The following FAM20B variants were observed in gnomAD, a reference collection of about 807,000 sequenced individuals.
FAM20B encodes FAM20B glycosaminoglycan xylosylkinase.
Under a neutral mutation model 43.8 loss-of-function variants are expected in FAM20B, and 23 were observed. That is an observed-to-expected ratio of 0.53 (90% CI 0.38 to 0.74). FAM20B has a LOEUF of 0.74. Ranked by LOEUF, FAM20B falls within the 30% of genes least tolerant of loss-of-function variation. The probability of loss-of-function intolerance (pLI) is 0.00; values close to 1 mark genes in which losing one functional copy is unlikely to be tolerated. For synonymous variants in FAM20B, 178 were observed against 192.4 expected (o/e 0.93, Z 0.62); for missense variants, 440 against 510.5 (o/e 0.86, Z 1.33).
chr1:179,064,315 G>T lies in FAM20B; in HGVS notation c.757G>T (p.Asp253Tyr). Residue 253 changes from aspartate (D) to tyrosine (Y), a missense_variant, in exon 6 of 8, where the codon GAT becomes TAT. Coordinates refer to ENST00000263733, the MANE Select transcript of FAM20B (RefSeq NM_014864.4). The stretch of plus-strand genomic sequence containing the variant: ...GCTGCTTGTCTCCAGGTGGGAGTAT[G>T]ATGAGAGCTACTGTGATGCTGTGAA... ...REGKLARWEY[D>Y]ESYCDAVKKT... The T allele has an allele frequency of 6.2e-7, 1 of 1,606,226 alleles. No homozygotes were observed. Among genetic ancestry groups the T allele is most frequent in the Non-Finnish European group, 8.5e-7 (1 of 1,174,070 alleles).
intron 7 of FAM20B, among the ~76,000 whole-genome samples, chr1:179,067,646 A>T (rs1651748254): frequency 6.6e-6 from 1 of 152,036 alleles, no homozygotes; most frequent in Admixed American, 6.6e-5. Flanking sequence ...TTTTAAAAAA[A>T]CTCTGTATTA....
chr1:179,030,177 G>A (rs921572546), intron 1 of FAM20B, among the ~76,000 whole-genome samples: 2 of 152,102 alleles, frequency 1.3e-5, no homozygotes, highest in Non-Finnish European at 2.9e-5. Flanking sequence ...AAGTTTTAGG[G>A]TATGAACTTT....
At chr1:179,029,624 C>T (rs1252181394) in intron 1 of FAM20B, among the ~76,000 whole-genome samples, 2 of 152,052 alleles carry the variant, frequency 1.3e-5, no homozygotes, top group East Asian at 3.9e-4. Context: ...GCAAGATAAC[C>T]CCTTTAGAGA....
At chr1:179,056,308 T>C (rs1276321763) in intron 4 of FAM20B, among the ~76,000 whole-genome samples, 1 of 152,212 alleles carries the variant, frequency 6.6e-6, no homozygotes, top group Non-Finnish European at 1.5e-5. Flanking sequence ...TCCACCCCTC[T>C]CTCCAATCCC....
intron 2 of FAM20B, among the ~76,000 whole-genome samples, chr1:179,046,919 C>T (rs936614609): frequency 2.6e-5 from 4 of 151,684 alleles, no homozygotes; most frequent in African/African-American, 9.7e-5. Flanking sequence ...TCGCTTGAAC[C>T]CGGAGGCGGA....
intron 4 of FAM20B, among the ~76,000 whole-genome samples, chr1:179,057,134 C>T (rs112587685): frequency 0.022 from 3,319 of 152,138 alleles, 66 homozygotes; most frequent in Middle Eastern, 0.048. Flanking sequence ...CACTTGAGGG[C>T]GGGAGTTCGA....
chr1:179,028,282 G>A (rs991664202), intron 1 of FAM20B, among the ~76,000 whole-genome samples: 4 of 152,158 alleles, frequency 2.6e-5, no homozygotes, highest in African/African-American at 9.7e-5. Flanking sequence ...TATTCTGTAA[G>A]AATACATAAA....
chr1:179,035,851 T>C (rs2102487205), intron 1 of FAM20B, among the ~76,000 whole-genome samples: 1 of 152,202 alleles, frequency 6.6e-6, no homozygotes, highest in Middle Eastern at 3.4e-3. Context: ...ATTAGCCGGC[T>C]GGGCGTGGTG....
chr1:179,050,262 T>C lies in FAM20B; in HGVS notation c.378-17T>C. 6.3e-7 allele frequency: 1 copy of C among 1,588,558 alleles called. No homozygotes were observed. The highest frequency in any genetic ancestry group is 8.6e-7 in the Non-Finnish European group (1 of 1,156,908). ...TGTAATCCACGTATACATCTGTGCTTCCCATTCACTTTGCAGGTATAGCCG... is the reference window on the plus strand; with the variant it reads ...TGTAATCCACGTATACATCTGTGCTCCCCATTCACTTTGCAGGTATAGCCG... On this transcript the variant is annotated splice_polypyrimidine_tract_variant and intron_variant, in intron 2 of 7. Transcript: ENST00000263733.
At position 179,043,921 on chromosome 1, in the gene FAM20B, T is replaced by C. The variant is rs1650648930; in HGVS notation, c.74T>C (p.Ile25Thr). 6.2e-6 allele frequency: 10 copies of C among 1,612,194 alleles called. No homozygotes were observed. The highest frequency in any genetic ancestry group is 8.5e-6 in the Non-Finnish European group (10 of 1,178,326). The part of the protein sequence containing the change: ...VIFIFTKVFL[I>T]DNLDTSAANR... ...TTTATCTTCACCAAAGTTTTCCTGA[T>C]TGACAACTTAGATACATCAGCTGCC... The change falls in exon 2 of 8, where the codon ATT becomes ACT. Residue 25 changes from isoleucine to threonine, a missense_variant. Physicochemically the swap from Ile to Thr is moderately conservative, Grantham distance 89. Coordinates refer to ENST00000263733, the MANE Select transcript of FAM20B (RefSeq NM_014864.4).
At chr1:179,071,206 G>A (rs1432592958) in intron 7 of FAM20B, among the ~76,000 whole-genome samples, 1 of 151,968 alleles carries the variant, frequency 6.6e-6, no homozygotes, top group Admixed American at 6.5e-5. Flanking sequence ...TGAGGCAGGA[G>A]AATGGCGTGA....
chr1:179,071,861 C>T (rs1219779085), intron 7 of FAM20B, 52 bp from the exon 8 acceptor site: 14 of 1,279,982 alleles, frequency 1.1e-5, no homozygotes, highest in South Asian at 5.0e-5. Context: ...CTTTCAACTC[C>T]GTTTGATAAT....
chr1:179,029,276 C>T (rs1649913103), intron 1 of FAM20B, among the ~76,000 whole-genome samples: 1 of 152,222 alleles, frequency 6.6e-6, no homozygotes, highest in Admixed American at 6.5e-5. Context: ...TTCCTGTTTT[C>T]CTTCAGCTGT....
rs1557882803 is a variant in FAM20B at position 179,074,394 on chromosome 1, A to C, written c.*2250A>C. The stretch of plus-strand genomic sequence containing the variant: ...AGCCAGCTGGGAGGAGACAATAGGA[A>C]GAGATGTCATCTCTGCTCTCCCTGT... On this transcript the variant is annotated 3_prime_UTR_variant, in exon 8 of 8. Coordinates refer to ENST00000263733, the MANE Select transcript of FAM20B (RefSeq NM_014864.4). The C allele has an allele frequency of 6.6e-6, 1 of 152,646 alleles. No homozygotes were observed. The highest frequency in any genetic ancestry group is 2.4e-5 in the African/African-American group (1 of 41,444). The allele number at this position is 152,646 out of a possible 1,614,324, so 9.5% of individuals were successfully genotyped here.
intron 1 of FAM20B, among the ~76,000 whole-genome samples, chr1:179,041,412 T>G (rs997955449): frequency 2.0e-4 from 31 of 152,176 alleles, no homozygotes; most frequent in Non-Finnish European, 4.3e-4. Flanking sequence ...CCGGCACGTC[T>G]GGAGGCCGAG....
At chr1:179,050,593 C>A (rs182090310) in intron 3 of FAM20B, among the ~76,000 whole-genome samples, 2 of 152,156 alleles carry the variant, frequency 1.3e-5, no homozygotes, top group African/African-American at 4.8e-5. Flanking sequence ...CATTTCATTT[C>A]TGGCCTGCTC....
At chr1:179,056,291 A>T (rs1229895129) in intron 4 of FAM20B, among the ~76,000 whole-genome samples, 2 of 152,174 alleles carry the variant, frequency 1.3e-5, no homozygotes, top group African/African-American at 4.8e-5. Flanking sequence ...CCACCTATTC[A>T]TCATTCTCCA....
chr1:179,048,873 G>A (rs1650884898), intron 2 of FAM20B, among the ~76,000 whole-genome samples: 1 of 152,144 alleles, frequency 6.6e-6, no homozygotes. Context: ...TATATTCTAA[G>A]GTCATTTAAG....
rs1649755366 is a variant in FAM20B, at chr1:179,026,088, G to A, written c.-144G>A. 6.9e-6 allele frequency: 1 copy of A among 144,608 alleles called. No homozygotes were observed. The highest frequency in any genetic ancestry group is 2.5e-5 in the African/African-American group (1 of 40,396). The allele number at this position is 144,608 out of a possible 1,614,324, so 9.0% of individuals were successfully genotyped here. On this transcript the variant is annotated 5_prime_UTR_variant, in exon 1 of 8. The change abolishes the stop of an existing upstream ORF in the 5' untranslated region. Transcript: ENST00000263733. ...CGCGGGCGGCCATGGAGCGAGCCTA[G>A]GGCCCGACAGGTGAGTGGCGCGGGG... is the stretch of plus-strand genomic sequence containing the variant.
Sources: gnomAD v4.1 joint callset for allele counts (sites outside exome capture counted in the v4.1 genomes callset) on GRCh38, gnomAD v4.1.1 for gene constraint, MANE v1.5 for transcripts, NCBI Gene and HGNC (gene_info 2026-07-23, HGNC 2026-07-21) for gene names.